Variants in KPNA3 observed in about 807,000 individuals in gnomAD.
The protein encoded by KPNA3 is importin subunit alpha-4.
In KPNA3, 13 loss-of-function variants were observed where a neutral mutation model predicts 73.8. The ratio of observed to expected loss-of-function variants is 0.18; its 90% CI spans 0.11 to 0.28. KPNA3 has a LOEUF of 0.28. KPNA3 is among the 10% of genes least tolerant of loss of function. The probability of loss-of-function intolerance (pLI) is 1.00; values close to 1 mark genes in which losing one functional copy is unlikely to be tolerated. For missense variants in KPNA3, 360 were observed against 618.1 expected (o/e 0.58, Z 4.43); for synonymous variants, 186 against 206.9 (o/e 0.90, Z 0.87).
Position 49,711,016 on chromosome 13 carries a change from C to T in KPNA3, c.778G>A (p.Val260Ile). The change falls in exon 11 of 17, where the codon GTA becomes ATA. Residue 260 changes from valine to isoleucine, a missense_variant. Transcript: ENST00000261667. ...TATGACAGAGCCCAAACAGTGTCTA[C>T]AAGAATCTACAGGAAACACAAAAGA... The part of the protein sequence containing the change: ...LIYHTDINIL[V>I]DTVWALSYLT... 1 of 1,602,178 alleles carries T rather than the reference C, an allele frequency of 6.2e-7. No individual in the cohort carries two copies. The highest frequency in any genetic ancestry group is 8.5e-7 in the Non-Finnish European group (1 of 1,176,678).
chr13:49,716,953 T>C (rs1056037682), intron 10 of KPNA3, among the ~76,000 whole-genome samples: 1 of 152,168 alleles, frequency 6.6e-6, no homozygotes, highest in African/African-American at 2.4e-5. Flanking sequence ...ATACCGCCAC[T>C]GAGGAACAAC....
chr13:49,749,375 T>C (rs2137571242), intron 1 of KPNA3, among the ~76,000 whole-genome samples: 1 of 152,366 alleles, frequency 6.6e-6, no homozygotes, highest in East Asian at 1.9e-4. Flanking sequence ...AGATTTTTAC[T>C]GCTAAAGTAG....
chr13:49,740,918 G>A (rs1448088211), intron 2 of KPNA3, among the ~76,000 whole-genome samples: 2 of 152,074 alleles, frequency 1.3e-5, no homozygotes, highest in African/African-American at 2.4e-5. Context: ...TGTTTGCCTG[G>A]CTTATTTCTG....
chr13:49,730,743 A>G (rs1364286280), intron 6 of KPNA3, among the ~76,000 whole-genome samples: 2 of 140,452 alleles, frequency 1.4e-5, no homozygotes, highest in Non-Finnish European at 3.0e-5. Flanking sequence ...AGCATTAGGT[A>G]TATCTCCTAA....
intron 10 of KPNA3, among the ~76,000 whole-genome samples, chr13:49,714,847 C>T (rs1020782514): frequency 1.3e-5 from 2 of 151,854 alleles, no homozygotes. Context: ...AGCTAAACTG[C>T]AAACCAATAT....
At chr13:49,707,945 G>C (rs188292615) in intron 12 of KPNA3, among the ~76,000 whole-genome samples, 7 of 151,950 alleles carry the variant, frequency 4.6e-5, no homozygotes, top group Admixed American at 1.3e-4. Context: ...TAGTATATTA[G>C]GCAGATAAAA....
chr13:49,733,282 G>GTTGTT (rs1555305165), intron 2 of KPNA3, among the ~76,000 whole-genome samples: 3 of 100,918 alleles, frequency 3.0e-5, no homozygotes, highest in Non-Finnish European at 5.8e-5. Flanking sequence ...CCACTGTGGT[G>GTTGTT]TTTTTTTTTT....
chr13:49,768,257 C>T lies in KPNA3; in HGVS notation c.70-21264G>A, dbSNP rs889537375. The stretch of plus-strand genomic sequence containing the variant: ...TCGCGCCACTGCACTCCAGCCTGGG[C>T]AACAGTGCGAGACTCTGTCTCAAAA... On this transcript the variant is annotated intron_variant, in intron 1 of 16. Coordinates refer to ENST00000261667, the MANE Select transcript of KPNA3 (RefSeq NM_002267.4). Among the ~76,000 whole-genome samples, 36 of 127,410 alleles carry T rather than the reference C, an allele frequency of 2.8e-4. 1 individual carries two copies. Among genetic ancestry groups the T allele is most frequent in the Admixed American group, 2.6e-3 (28 of 10,598 alleles). The allele number at this position is 127,410 out of a possible 152,430, so 83.6% of individuals were successfully genotyped here.
intron 6 of KPNA3, among the ~76,000 whole-genome samples, chr13:49,731,389 A>G (rs982573587): frequency 6.6e-6 from 1 of 151,284 alleles, no homozygotes; most frequent in Non-Finnish European, 1.5e-5. Flanking sequence ...GCGTCCAGCC[A>G]GAATTTATTT....
chr13:49,747,625 G>C (rs1229198068), intron 1 of KPNA3, among the ~76,000 whole-genome samples: 1 of 152,224 alleles, frequency 6.6e-6, no homozygotes, highest in East Asian at 1.9e-4. Context: ...GACGGAGGTT[G>C]AAGTGAGCTG....
chr13:49,726,044 C>T (rs997420347), intron 6 of KPNA3, among the ~76,000 whole-genome samples: 8 of 152,162 alleles, frequency 5.3e-5, no homozygotes, highest in African/African-American at 1.9e-4. Flanking sequence ...TCATTATTTC[C>T]CTTGACTTCG....
At chr13:49,768,946 T>C (rs1259801335) in intron 1 of KPNA3, among the ~76,000 whole-genome samples, 1 of 152,150 alleles carries the variant, frequency 6.6e-6, no homozygotes, top group East Asian at 1.9e-4. Flanking sequence ...GCAAATAAGG[T>C]TGTGGTATTC....
At chr13:49,773,512 A>G (rs919741039) in intron 1 of KPNA3, among the ~76,000 whole-genome samples, 6 of 152,334 alleles carry the variant, frequency 3.9e-5, no homozygotes, top group African/African-American at 1.2e-4. Context: ...GTTGCTTATC[A>G]ACACTTGGGG....
chr13:49,767,689 A>G (rs1246530862), intron 1 of KPNA3, among the ~76,000 whole-genome samples: 2 of 152,132 alleles, frequency 1.3e-5, no homozygotes, highest in Non-Finnish European at 2.9e-5. Flanking sequence ...GTCACTAACT[A>G]GCTATGTGAT....
chr13:49,775,072 T>C (rs1339038085), intron 1 of KPNA3, among the ~76,000 whole-genome samples: 1 of 144,114 alleles, frequency 6.9e-6, no homozygotes. Context: ...GAGCATCCCT[T>C]GAACTGGGAG....
At chr13:49,754,695 G>C (rs186537554) in intron 1 of KPNA3, among the ~76,000 whole-genome samples, 38 of 147,550 alleles carry the variant, frequency 2.6e-4, no homozygotes, top group African/African-American at 6.9e-4. Flanking sequence ...AAATGAAAAA[G>C]GTACTATCAC....
chr13:49,757,334 C>T (rs971390443), intron 1 of KPNA3, among the ~76,000 whole-genome samples: 1 of 151,398 alleles, frequency 6.6e-6, no homozygotes, highest in African/African-American at 2.4e-5. Flanking sequence ...AAACAAAAAA[C>T]CTCTCAAAGC....
intron 1 of KPNA3, among the ~76,000 whole-genome samples, chr13:49,755,437 T>C (rs1398824994): frequency 6.6e-6 from 1 of 152,130 alleles, no homozygotes; most frequent in African/African-American, 2.4e-5. Flanking sequence ...CAACATAGTA[T>C]AAGAAGTTCC....
chr13:49,709,730 A>G, intron 11 of KPNA3, 30 bp from the exon 12 acceptor site: 21 of 1,594,332 alleles, frequency 1.3e-5, no homozygotes, highest in Non-Finnish European at 1.8e-5. Context: ...TTTTCTATAA[A>G]TTTATTTGCT....
Sources: allele counts gnomAD v4.1 joint callset (sites outside exome capture counted in the v4.1 genomes callset), GRCh38; gene constraint gnomAD v4.1.1; transcripts MANE v1.5; gene names NCBI Gene and HGNC (gene_info 2026-07-23, HGNC 2026-07-21).